APP: variants seen among roughly 807,000 people sequenced by gnomAD.
APP encodes amyloid beta precursor protein.
Under a neutral mutation model 101.4 loss-of-function variants are expected in APP, and 31 were observed. That is an observed-to-expected ratio of 0.31 (90% confidence interval 0.23 to 0.41). The LOEUF is 0.41. APP is among the 10% of genes least tolerant of loss of function. APP has a pLI of 1.00. For missense variants in APP, 839 were observed against 1,003.7 expected (o/e 0.84, Z 2.22); for synonymous variants, 366 against 364.4 (o/e 1.00, Z -0.05).
chr21:25,937,092 C>G (rs940322655), intron 13 of APP, among the ~76,000 whole-genome samples: 6 of 152,078 alleles, frequency 3.9e-5, no homozygotes, highest in African/African-American at 1.2e-4. Context: ...ATTTGCCACG[C>G]AAGTTCCCAA....
At chr21:25,997,049 G>C (rs1274714849) in intron 8 of APP, 2 of 367,802 alleles carry the variant, frequency 5.4e-6, no homozygotes, top group Admixed American at 4.3e-5. Context: ...ATAGCTTTTA[G>C]GAAATAAAAT....
At chr21:26,007,503 T>C (rs998906147) in intron 6 of APP, among the ~76,000 whole-genome samples, 1 of 148,668 alleles carries the variant, frequency 6.7e-6, no homozygotes, top group South Asian at 2.1e-4. Flanking sequence ...ACAATTTATA[T>C]ACATTTTATA....
At chr21:26,074,707 C>T (rs763334058) in intron 3 of APP, among the ~76,000 whole-genome samples, 4 of 151,610 alleles carry the variant, frequency 2.6e-5, no homozygotes, top group African/African-American at 4.9e-5. Flanking sequence ...GCAGAGATTG[C>T]GTCACTGCAC....
chr21:26,156,393 T>C (rs1310632944), intron 1 of APP, among the ~76,000 whole-genome samples: 1 of 152,222 alleles, frequency 6.6e-6, no homozygotes, highest in Non-Finnish European at 1.5e-5. Flanking sequence ...ACAACAGATA[T>C]TAATCAATAA....
chr21:25,925,264 T>C (rs1245053517), intron 13 of APP, among the ~76,000 whole-genome samples: 1 of 152,332 alleles, frequency 6.6e-6, no homozygotes, highest in East Asian at 1.9e-4. Context: ...GCATGTCTGA[T>C]TCTTGGCTCA....
chr21:26,159,214 G>C (rs552488986), intron 1 of APP, among the ~76,000 whole-genome samples: 24 of 152,128 alleles, frequency 1.6e-4, no homozygotes, highest in Non-Finnish European at 2.2e-4. Flanking sequence ...CGAGTAGCTG[G>C]GACTACAGGT....
At chr21:25,974,754 CTTGAACTATGCCATCAA>C (rs952885076) in intron 11 of APP, among the ~76,000 whole-genome samples, 3 of 152,148 alleles carry the variant, frequency 2.0e-5, no homozygotes, top group African/African-American at 7.2e-5. Context: ...TGTGTTCGAA[CTTGAACTATGCCATCAA>C]TTGTCACCAC....
chr21:26,155,312 A>C lies in APP; in HGVS notation c.57+15252T>G, dbSNP rs200725478. On this transcript the variant is annotated intron_variant, in intron 1 of 17. Transcript: ENST00000346798. The stretch of plus-strand genomic sequence containing the variant: ...TAAAAAATAAATATGTGAAATGTGA[A>C]CATTTTGAAGACATAATATGAAAAA... Among the ~76,000 whole-genome samples the C allele has an allele frequency of 2.0e-5, 3 of 152,212 alleles. No homozygotes were observed. The East Asian group carries it at 5.8e-4, about 29-fold the overall frequency.
At position 25,954,674 on chromosome 21, in the gene APP, G is replaced by A. The variant is rs756487053; in HGVS notation, c.1603C>T (p.Arg535Cys). ...TGATTCATGCGCTCATAAATCACAC[G>A]GAGGTGTGTCATAACCTGCATCAAA... ...QIRSQVMTHLRVIYERMNQSL... is the reference protein window; with the variant it reads ...QIRSQVMTHLCVIYERMNQSL... Residue 535 changes from arginine to cysteine, a missense_variant, in exon 13 of 18, where the codon CGT (arginine) becomes TGT (cysteine). Transcript: ENST00000346798. 9 of 1,613,658 alleles carry A rather than the reference G, an allele frequency of 5.6e-6. No homozygotes were observed. Among genetic ancestry groups the A allele is most frequent in the African/African-American group, 2.7e-5 (2 of 74,896 alleles).
chr21:26,133,850 A>G (rs957494568), intron 1 of APP, among the ~76,000 whole-genome samples: 1 of 152,192 alleles, frequency 6.6e-6, no homozygotes, highest in Admixed American at 6.6e-5. Context: ...CCAATATAAG[A>G]AAATGCTCTT....
In APP at chr21:25,982,494, AAGG is replaced by A. The variant is rs780452724; in HGVS notation, c.1091-20_1091-18del. 1.3e-5 allele frequency: 21 copies of A among 1,612,952 alleles called. No individual in the cohort carries two copies. The highest frequency in any genetic ancestry group is 1.7e-5 in the Non-Finnish European group (20 of 1,179,452). On this transcript the variant is annotated intron_variant, in intron 8 of 17. Coordinates refer to ENST00000346798, the MANE Select transcript of APP (RefSeq NM_000484.4). ...TTGTAGGAACTATAAAGTAGAAGAGAAGGAGGTTTGAGAAAAAAAAGCCAACAA... is the reference window on the plus strand; with the variant it reads ...TTGTAGGAACTATAAAGTAGAAGAGAAGGTTTGAGAAAAAAAAGCCAACAA...
At chr21:26,066,080 T>C (rs778269284) in intron 3 of APP, among the ~76,000 whole-genome samples, 16 of 152,042 alleles carry the variant, frequency 1.1e-4, no homozygotes, top group Non-Finnish European at 1.8e-4. Context: ...CTTTGAGAAA[T>C]GATATTTGGA....
chr21:26,073,139 T>C (rs1013991344), intron 3 of APP, among the ~76,000 whole-genome samples: 2 of 152,194 alleles, frequency 1.3e-5, no homozygotes, highest in African/African-American at 4.8e-5. Flanking sequence ...CTAGCAAGTA[T>C]GTGTTGTGTG....
intron 9 of APP, among the ~76,000 whole-genome samples, chr21:25,976,459 A>G (rs536790298): frequency 1.3e-5 from 2 of 152,348 alleles, no homozygotes; most frequent in South Asian, 4.1e-4. Context: ...TAAAGAAAAT[A>G]TGACATTTTA....
chr21:26,125,617 A>G (rs2062666202), intron 1 of APP, among the ~76,000 whole-genome samples: 1 of 151,880 alleles, frequency 6.6e-6, no homozygotes, highest in Non-Finnish European at 1.5e-5. Flanking sequence ...TTTCATGGCC[A>G]AGGTCAACAG....
rs981983595 is a variant in APP at position 25,931,868 on chromosome 21, G to T, written c.1688-19906C>A. 7.9e-5 allele frequency among the ~76,000 whole-genome samples: 12 copies of T among 152,148 alleles called. 1 individual carries two copies. In the South Asian group the frequency reaches 2.5e-3, roughly 32 times the overall value. ...ATGGACCCAGAGAGCTCACTTCTAT[G>T]CTGAAACAGCCCACAGGGAAGCATC... On this transcript the variant is annotated intron_variant, in intron 13 of 17. Transcript: ENST00000346798.
chr21:25,968,322 CTT>C (rs34021818), intron 11 of APP, among the ~76,000 whole-genome samples: 13 of 113,810 alleles, frequency 1.1e-4, no homozygotes, highest in Admixed American at 2.8e-4. Flanking sequence ...TTAAAAAAAT[CTT>C]TTTTTTTTTT....
chr21:26,114,748 T>C (rs1024749108), intron 1 of APP, among the ~76,000 whole-genome samples: 5 of 152,220 alleles, frequency 3.3e-5, no homozygotes, highest in African/African-American at 1.2e-4. Flanking sequence ...TTTTTCACTT[T>C]GTCATCCTCC....
At chr21:25,913,678 G>T (rs773484207) in intron 13 of APP, among the ~76,000 whole-genome samples, 11 of 152,134 alleles carry the variant, frequency 7.2e-5, no homozygotes, top group Non-Finnish European at 1.2e-4. Context: ...CGCTGTTCTT[G>T]GGTCTGTGGT....
Sources: allele counts gnomAD v4.1 joint callset (sites outside exome capture counted in the v4.1 genomes callset), GRCh38; gene constraint gnomAD v4.1.1; transcripts MANE v1.5; gene names NCBI Gene and HGNC (gene_info 2026-07-23, HGNC 2026-07-21).